The following ERGIC3 variants were observed in gnomAD, a reference collection of about 807,000 sequenced individuals.
ERGIC3 encodes the protein endoplasmic reticulum-Golgi intermediate compartment protein 3.
Under a neutral mutation model 54.7 loss-of-function variants are expected in ERGIC3, and 33 were observed. The observed-to-expected ratio is 0.60, with a 90% CI of 0.46 to 0.81. ERGIC3 has a LOEUF of 0.81. Among genes scored for constraint, ERGIC3 ranks in the 30% least tolerant of loss-of-function variants. ERGIC3 has a pLI of 0.00. For synonymous variants in ERGIC3, 186 were observed against 189.8 expected (o/e 0.98, Z 0.16); for missense variants, 399 against 488.4 (o/e 0.82, Z 1.73).
At chr20:35,556,797 T>A in intron 10 of ERGIC3, 176 bp from the exon 11 acceptor site, 1 of 810,036 alleles carries the variant, frequency 1.2e-6, no homozygotes, top group Non-Finnish European at 2.0e-6. Context: ...AGGCCAAGAC[T>A]AGGAGAGGGG....
chr20:35,542,260 G>A lies in ERGIC3; in HGVS notation c.89-63G>A, dbSNP rs2064617044. ...TAGCCCGGGCTCCTGGACTCTGACT[G>A]GCCTGCCGGTGTCTGAGGGAGCGGA... is the stretch of plus-strand genomic sequence containing the variant. On this transcript the variant is annotated intron_variant, in intron 1 of 12. Transcript: ENST00000348547. 6.8e-6 allele frequency: 11 copies of A among 1,612,564 alleles called. No individual in the cohort carries two copies. The Admixed American group carries it at 1.8e-4, about 27-fold the overall frequency.
intron 7 of ERGIC3, 166 bp downstream of exon 7, chr20:35,549,031 G>A (rs1361355668): frequency 2.6e-6 from 2 of 760,604 alleles, no homozygotes; most frequent in African/African-American, 1.7e-5. Flanking sequence ...AGCACAGGCC[G>A]AGGAGCCAGA....
rs567873111 is a variant in ERGIC3 at position 35,550,870 on chromosome 20, C to T, written c.685+2005C>T. On this transcript the variant is annotated intron_variant, in intron 7 of 12. Transcript: ENST00000348547. ...AATCCAGGCAAAAGATGGTGGGGCA[C>T]GGCCCAGAGTGGCAGTGGAAGTGGT... 7.5e-4 allele frequency among the ~76,000 whole-genome samples: 114 copies of T among 152,222 alleles called. 5 individuals are homozygous for T. In the South Asian group the frequency reaches 0.023, roughly 31 times the overall value.
intron 7 of ERGIC3, among the ~76,000 whole-genome samples, chr20:35,553,020 A>ATTGTTTTTTTT (rs2064689768): frequency 2.4e-5 from 1 of 41,552 alleles, no homozygotes; most frequent in Non-Finnish European, 4.4e-5. Flanking sequence ...AAAGCTGGGG[A>ATTGTTTTTTTT]TTTTTTTTTT....
intron 7 of ERGIC3, chr20:35,554,449 A>G (rs901996213): frequency 2.5e-6 from 4 of 1,600,476 alleles, no homozygotes; most frequent in Admixed American, 1.7e-5. Flanking sequence ...CCCTACTAGA[A>G]TGGCGGGGAG....
rs1221363343 is a variant in ERGIC3, at chr20:35,556,275, A to T, written c.879+4A>T. On this transcript the variant is annotated splice_donor_region_variant and intron_variant, in intron 10 of 12. Transcript: ENST00000348547. ...GTACATGAAGGTGGACGGAGAGGTG[A>T]GTCAGGGAGCTCCCTACCAGAGTCT... The T allele has an allele frequency of 1.2e-6, 2 of 1,613,998 alleles. No individual in the cohort carries two copies. The highest frequency in any genetic ancestry group is 2.2e-5 in the South Asian group (2 of 91,082).
chr20:35,553,985 G>C (rs775400813), intron 7 of ERGIC3, among the ~76,000 whole-genome samples: 1 of 152,206 alleles, frequency 6.6e-6, no homozygotes, highest in Non-Finnish European at 1.5e-5. Context: ...CTTGTTGATT[G>C]GGGCTGGGGT....
At chr20:35,547,219 TCTTA>T (rs921955161) in intron 4 of ERGIC3, 189 bp from the exon 5 acceptor site, 2 of 556,744 alleles carry the variant, frequency 3.6e-6, no homozygotes, top group African/African-American at 3.8e-5. Context: ...TTGACTGTTT[TCTTA>T]CTGTTTCTTT....
chr20:35,545,382 A>G (rs2064643111), intron 4 of ERGIC3: 1 of 150,062 alleles, frequency 6.7e-6, no homozygotes, highest in African/African-American at 2.5e-5. Flanking sequence ...ACATGGTAAA[A>G]CCCCATCTCT....
chr20:35,557,487 C>G lies in ERGIC3; in HGVS notation c.1135C>G (p.Leu379Val). ...ACGAGCCATCCAGAAGAAAATTGAT[C>G]TAGGGAAGACAACGTAGTCACCCTC... ...SARAIQKKID[L>V]GKTT The change falls in exon 13 of 13, where the codon CTA becomes GTA. Residue 379 changes from leucine to valine, a missense_variant. Physicochemically the swap from Leu to Val is conservative, Grantham distance 32. Transcript: ENST00000348547. The G allele has an allele frequency of 6.2e-7, 1 of 1,614,122 alleles. No homozygotes were observed. The highest frequency in any genetic ancestry group is 8.5e-7 in the Non-Finnish European group (1 of 1,179,998).
At chr20:35,550,278 G>GT (rs1302727998) in intron 7 of ERGIC3, among the ~76,000 whole-genome samples, 2 of 152,074 alleles carry the variant, frequency 1.3e-5, no homozygotes, top group Non-Finnish European at 2.9e-5. Context: ...TCAAGATACA[G>GT]TAAGAAGGTT....
At chr20:35,545,404 C>CA (rs553943792) in intron 4 of ERGIC3, 19,262 of 140,220 alleles carry the variant, frequency 0.14, 1,441 homozygotes, top group African/African-American at 0.23. Flanking sequence ...CTAAAAAATA[C>CA]AAAAAAAAAA....
chr20:35,547,348 C>T, intron 4 of ERGIC3, 64 bp from the exon 5 acceptor site: 2 of 1,276,974 alleles, frequency 1.6e-6, no homozygotes, highest in Non-Finnish European at 2.3e-6. Flanking sequence ...CTTGTGCAGA[C>T]TGGAGCCACC....
Position 35,547,399 on chromosome 20 carries a change from C to T in ERGIC3, c.368-13C>T. 6.2e-7 allele frequency: 1 copy of T among 1,612,242 alleles called. No homozygotes were observed. The highest frequency in any genetic ancestry group is 8.5e-7 in the Non-Finnish European group (1 of 1,178,246). The stretch of plus-strand genomic sequence containing the variant: ...GGCCCCAGCTGATGCCTCTGCTTCT[C>T]CCCTCCCCTTAGAGCTTGGGAAAGT... On this transcript the variant is annotated splice_polypyrimidine_tract_variant and intron_variant, in intron 4 of 12. Transcript: ENST00000348547.
Position 35,555,041 on chromosome 20 carries a change from T to C in ERGIC3, c.686-3T>C. ...CTCCCTTGCCTTCTCCCTTCTCTCC[T>C]AGTCCATGACTTGCAGAGCTTTGGC... On this transcript the variant is annotated splice_polypyrimidine_tract_variant and splice_region_variant and intron_variant, in intron 7 of 12. Transcript: ENST00000348547. 1.4e-5 allele frequency: 23 copies of C among 1,612,982 alleles called. No homozygotes were observed. Among genetic ancestry groups the C allele is most frequent in the Non-Finnish European group, 1.8e-5 (21 of 1,179,900 alleles).
chr20:35,542,703 A>C, intron 3 of ERGIC3, 103 bp downstream of exon 3: 1 of 1,600,604 alleles, frequency 6.2e-7, no homozygotes, highest in Non-Finnish European at 8.6e-7. Context: ...CCCCAGGACA[A>C]CCTCCTTCTC....
rs2064701836 is a variant in ERGIC3 at position 35,554,730 on chromosome 20, A to G, written c.686-314A>G. ...TTTGCCATCAGCTCTAGTTAGTGAGAGCCCATAGTCGGTGGGTTTTGTTTC... is the reference window on the plus strand; with the variant it reads ...TTTGCCATCAGCTCTAGTTAGTGAGGGCCCATAGTCGGTGGGTTTTGTTTC... On this transcript the variant is annotated intron_variant, in intron 7 of 12. Coordinates refer to ENST00000348547, the MANE Select transcript of ERGIC3 (RefSeq NM_015966.3). 3 of 591,262 alleles carry G rather than the reference A, an allele frequency of 5.1e-6. No individual in the cohort carries two copies. The East Asian group carries it at 8.4e-5, about 17-fold the overall frequency. The allele number at this position is 591,262 out of a possible 1,614,324, so 36.6% of individuals were successfully genotyped here. A position where few individuals can be genotyped will look rare whatever the true frequency, so the allele number is the denominator to read the frequency against.
chr20:35,542,824 C>T lies in ERGIC3; in HGVS notation c.250C>T (p.Leu84=), dbSNP rs761859855. The T allele has an allele frequency of 3.1e-6, 5 of 1,614,136 alleles. No individual in the cohort carries two copies. The Admixed American group carries it at 8.3e-5, about 27-fold the overall frequency. The change falls in exon 4 of 13, where the codon CTG becomes TTG. Residue 84 remains leucine, a splice_region_variant and synonymous_variant. Transcript: ENST00000348547. ...TAGCCTGATTTTCCTGCTTCCAGAT[C>T]TGAGTATTGATGCCATGGATGTGGC... ...VLFPHMPCAY[L]SIDAMDVAGE... is the part of the protein sequence containing the mutation.
chr20:35,554,116 C>T (rs2064698377), intron 7 of ERGIC3, among the ~76,000 whole-genome samples: 1 of 152,182 alleles, frequency 6.6e-6, no homozygotes, highest in Non-Finnish European at 1.5e-5. Flanking sequence ...AACTGATTTG[C>T]CCAAGGCCAC....
Sources: allele counts gnomAD v4.1 joint callset (sites outside exome capture counted in the v4.1 genomes callset), GRCh38; gene constraint gnomAD v4.1.1; transcripts MANE v1.5; gene names NCBI Gene and HGNC (gene_info 2026-07-23, HGNC 2026-07-21).